CHL1: variants seen among roughly 807,000 people sequenced by gnomAD.
The protein encoded by CHL1 is cell adhesion molecule L1 like.
In CHL1, 96 loss-of-function variants were observed where a neutral mutation model predicts 141.9. That is an observed-to-expected ratio of 0.68 (90% confidence interval 0.57 to 0.80). The LOEUF (loss-of-function observed/expected upper bound fraction) is 0.80. Among genes scored for constraint, CHL1 ranks in the 30% least tolerant of loss-of-function variants. The pLI, the probability that CHL1 is intolerant of heterozygous loss-of-function variation, is 0.00. For synonymous variants in CHL1, 613 were observed against 502.2 expected (o/e 1.22, Z -2.95); for missense variants, 1,820 against 1,457.2 (o/e 1.25, Z -4.05).
At chr3:402,194 G>A (rs74375910) in intron 27 of CHL1, among the ~76,000 whole-genome samples, 3,789 of 152,286 alleles carry the variant, frequency 0.025, 162 homozygotes, top group African/African-American at 0.085. Context: ...GAGAGTAACT[G>A]TTTCTGCCCA....
chr3:369,541 G>T (rs984086416), intron 15 of CHL1, among the ~76,000 whole-genome samples: 5 of 152,180 alleles, frequency 3.3e-5, no homozygotes, highest in Non-Finnish European at 5.9e-5. Flanking sequence ...CATGTCATCT[G>T]CAAACAGACA....
In CHL1 at chr3:391,007, A is replaced by T; in HGVS notation, c.2639A>T (p.Glu880Val). ...TTGGATGGAAGAACACATCCCAAAG[A>T]AGTGAACATTCTAAGATTTTCAGGA... ...SLLDGRTHPK[E>V]VNILRFSGQR... The change falls in exon 22 of 28, where the codon GAA becomes GTA. Residue 880 changes from glutamate to valine, a missense_variant. Glu to Val is a moderately radical substitution (Grantham distance 121). Transcript: ENST00000256509. The T allele has an allele frequency of 6.2e-7, 1 of 1,614,222 alleles. No individual in the cohort carries two copies. Among genetic ancestry groups the T allele is most frequent in the Non-Finnish European group, 8.5e-7 (1 of 1,180,016 alleles).
intron 2 of CHL1, among the ~76,000 whole-genome samples, chr3:314,368 T>TATATATATATATATA (rs1368911821): frequency 7.5e-6 from 1 of 134,052 alleles, no homozygotes; most frequent in African/African-American, 2.8e-5. Context: ...TATATATATA[T>TATATATATATATATA]ATCTGCTTCA....
intron 19 of CHL1, among the ~76,000 whole-genome samples, chr3:387,718 G>T (rs1008439869): frequency 6.6e-6 from 1 of 152,158 alleles, no homozygotes; most frequent in East Asian, 1.9e-4. Context: ...CTGGGACAAT[G>T]CTAAAGCCCC....
intron 1 of CHL1, among the ~76,000 whole-genome samples, chr3:208,616 T>C (rs758884219): frequency 3.3e-5 from 5 of 152,222 alleles, no homozygotes; most frequent in South Asian, 2.1e-4. Context: ...TCTTTGAAGA[T>C]TGCATTCCAG....
intron 10 of CHL1, among the ~76,000 whole-genome samples, chr3:350,522 C>T (rs953467193): frequency 6.6e-6 from 1 of 152,034 alleles, no homozygotes; most frequent in East Asian, 1.9e-4. Flanking sequence ...GCTCTAGGCA[C>T]CCATTAATAT....
At chr3:337,790 G>A (rs1026650132) in intron 5 of CHL1, among the ~76,000 whole-genome samples, 4 of 152,174 alleles carry the variant, frequency 2.6e-5, no homozygotes, top group Non-Finnish European at 5.9e-5. Flanking sequence ...CATTTGGGTT[G>A]GTTGCAGGTC....
chr3:399,368 G>A (rs567727953), intron 26 of CHL1, among the ~76,000 whole-genome samples: 13 of 152,286 alleles, frequency 8.5e-5, no homozygotes, highest in Admixed American at 5.2e-4. Context: ...ACTGCCGGGC[G>A]CAGTGGCTCA....
chr3:264,005 C>T (rs571567213), intron 2 of CHL1, among the ~76,000 whole-genome samples: 5 of 152,204 alleles, frequency 3.3e-5, no homozygotes, highest in South Asian at 2.1e-4. Context: ...ATGGACTGCA[C>T]TATCACAGTC....
Position 306,392 on chromosome 3 carries a change from A to G in CHL1, c.-94-13291A>G, listed in dbSNP as rs146504494. ...ACATATCCAAAGCACTGATACATCT[A>G]TTAAACTGTTTGCAACAAAAATACC... On this transcript the variant is annotated intron_variant, in intron 2 of 27. Coordinates refer to ENST00000256509, the MANE Select transcript of CHL1 (RefSeq NM_006614.4). Among the ~76,000 whole-genome samples the G allele has an allele frequency of 1.8e-3, 277 of 152,322 alleles. 2 individuals carry two copies. Among genetic ancestry groups the G allele is most frequent in the South Asian group, 0.017 (81 of 4,830 alleles).
intron 19 of CHL1, among the ~76,000 whole-genome samples, chr3:388,124 A>G (rs1291400608): frequency 6.6e-6 from 1 of 152,254 alleles, no homozygotes; most frequent in Non-Finnish European, 1.5e-5. Context: ...TATATAACTG[A>G]TTCATTTCAA....
chr3:408,392 T>C lies in CHL1; in HGVS notation c.*2681T>C, dbSNP rs3931064. ...GGGAAAATCCAAATTCTCTTCCTGGTTCCAGCACTGATTTTGTACATAAAC... is the reference window on the plus strand; with the variant it reads ...GGGAAAATCCAAATTCTCTTCCTGGCTCCAGCACTGATTTTGTACATAAAC... On this transcript the variant is annotated 3_prime_UTR_variant, in exon 28 of 28. Transcript: ENST00000256509. 0.98 allele frequency: 148,494 copies of C among 152,206 alleles called. 72,539 individuals carry two copies. Among genetic ancestry groups the C allele is most frequent in the East Asian group, 1 (5,162 of 5,162 alleles). 9.4% of individuals were successfully genotyped at this position (152,206 alleles called of 1,614,324 possible). A position where few individuals can be genotyped will look rare whatever the true frequency, so the allele number is the denominator to read the frequency against.
At chr3:300,620 C>T (rs182401076) in intron 2 of CHL1, among the ~76,000 whole-genome samples, 3 of 152,210 alleles carry the variant, frequency 2.0e-5, no homozygotes, top group South Asian at 2.1e-4. Flanking sequence ...TTGGCAATGA[C>T]GACATGATGA....
At chr3:268,280 T>A (rs1695328103) in intron 2 of CHL1, among the ~76,000 whole-genome samples, 1 of 152,180 alleles carries the variant, frequency 6.6e-6, no homozygotes, top group African/African-American at 2.4e-5. Flanking sequence ...ACTCCTATAA[T>A]CCCAGCACTT....
At position 360,274 on chromosome 3, in the gene CHL1, T is replaced by C. The variant is rs763195783; in HGVS notation, c.1166-10T>C. On this transcript the variant is annotated splice_polypyrimidine_tract_variant and intron_variant, in intron 11 of 27. Coordinates refer to ENST00000256509, the MANE Select transcript of CHL1 (RefSeq NM_006614.4). ...TCCTTATCAAACTGACATTCTTTAA[T>C]CTCTTTCAGATCATCCATTTGCTGG... 1.9e-6 allele frequency: 3 copies of C among 1,613,226 alleles called. No homozygotes were observed. The highest frequency in any genetic ancestry group is 2.5e-6 in the Non-Finnish European group (3 of 1,179,560).
intron 1 of CHL1, among the ~76,000 whole-genome samples, chr3:199,491 G>T (rs540900048): frequency 1.3e-5 from 2 of 152,310 alleles, no homozygotes; most frequent in South Asian, 4.1e-4. Flanking sequence ...TAAGTACACT[G>T]TACACTTCGT....
At chr3:387,308 C>T (rs1047712514) in intron 19 of CHL1, among the ~76,000 whole-genome samples, 1 of 152,192 alleles carries the variant, frequency 6.6e-6, no homozygotes, top group Non-Finnish European at 1.5e-5. Flanking sequence ...TCCTCGTGGG[C>T]TCCTTCACGA....
At chr3:269,263 G>T (rs13089564) in intron 2 of CHL1, among the ~76,000 whole-genome samples, 2 of 152,204 alleles carry the variant, frequency 1.3e-5, no homozygotes, top group South Asian at 2.1e-4. Flanking sequence ...CTTCTATAGC[G>T]CTTTTCTCAT....
At chr3:288,682 G>A (rs1275984508) in intron 2 of CHL1, among the ~76,000 whole-genome samples, 1 of 152,162 alleles carries the variant, frequency 6.6e-6, no homozygotes, top group African/African-American at 2.4e-5. Context: ...TTTTTCTGAC[G>A]AATGGCATGG....
Sources: gnomAD v4.1 joint callset for allele counts (sites outside exome capture counted in the v4.1 genomes callset) on GRCh38, gnomAD v4.1.1 for gene constraint, MANE v1.5 for transcripts, NCBI Gene and HGNC (gene_info 2026-07-23, HGNC 2026-07-21) for gene names.